LPP: variants seen among roughly 807,000 people sequenced by gnomAD.
LPP encodes lipoma-preferred partner.
In LPP, 38 loss-of-function variants were observed where a neutral mutation model predicts 60.4. That is an observed-to-expected ratio of 0.63 (90% CI 0.49 to 0.83). LPP has a LOEUF of 0.83. LPP is among the 40% of genes least tolerant of loss of function. LPP has a pLI of 0.00. For synonymous variants in LPP, 328 were observed against 290.8 expected, an observed-to-expected ratio of 1.13 and a Z score of -1.30; for missense variants, 902 against 783.6, an observed-to-expected ratio of 1.15 and a Z score of -1.80.
In LPP at chr3:188,157,864, G is replaced by A. The variant is rs1286505230; in HGVS notation, c.-190+3612G>A. Among the ~76,000 whole-genome samples the A allele has an allele frequency of 3.3e-5, 5 of 152,144 alleles. No individual in the cohort carries two copies. In the East Asian group the frequency reaches 9.6e-4, roughly 29 times the overall value. ...TTGTCCAGGTGGAAGAAGGACAGGT[G>A]AGAGAAGGACCTATTAGCAAGATAG... On this transcript the variant is annotated intron_variant, in intron 1 of 11. Coordinates refer to ENST00000617246, the MANE Select transcript of LPP (RefSeq NM_001375462.1).
intron 9 of LPP, among the ~76,000 whole-genome samples, chr3:188,851,453 A>G (rs1044699142): frequency 2.0e-5 from 3 of 152,228 alleles, no homozygotes; most frequent in Admixed American, 2.0e-4. Flanking sequence ...AGAGCTTGCA[A>G]AATTTGAAAC....
intron 3 of LPP, among the ~76,000 whole-genome samples, chr3:188,369,316 A>T (rs1021519551): frequency 6.6e-6 from 1 of 151,520 alleles, no homozygotes; most frequent in South Asian, 2.1e-4. Flanking sequence ...TAAATTCTCC[A>T]TTAAGAAGAT....
intron 7 of LPP, among the ~76,000 whole-genome samples, chr3:188,653,439 G>A (rs867707913): frequency 1.3e-5 from 2 of 152,122 alleles, no homozygotes; most frequent in South Asian, 4.2e-4. Flanking sequence ...ATTAGCCTGT[G>A]AACATAACAC....
At chr3:188,201,126 A>T (rs1190111090) in intron 1 of LPP, among the ~76,000 whole-genome samples, 1 of 152,188 alleles carries the variant, frequency 6.6e-6, no homozygotes, top group Admixed American at 6.5e-5. Context: ...CTTCACAAAC[A>T]TTTATTAAAC....
chr3:188,296,219 C>T (rs779826671), intron 2 of LPP, among the ~76,000 whole-genome samples: 19 of 152,070 alleles, frequency 1.2e-4, no homozygotes, highest in Non-Finnish European at 4.4e-5. Context: ...GAGACTTGGC[C>T]CTTGACAATT....
At chr3:188,585,106 CAAAT>C (rs1416112828) in intron 6 of LPP, among the ~76,000 whole-genome samples, 8 of 152,108 alleles carry the variant, frequency 5.3e-5, no homozygotes, top group Admixed American at 2.0e-4. Flanking sequence ...CTTAAAGGGA[CAAAT>C]AAATAAGTCA....
intron 9 of LPP, among the ~76,000 whole-genome samples, chr3:188,770,589 A>T (rs539921158): frequency 6.6e-6 from 1 of 152,208 alleles, no homozygotes; most frequent in South Asian, 2.1e-4. Context: ...AGGAGAAATA[A>T]ATGTTTGTAA....
intron 7 of LPP, among the ~76,000 whole-genome samples, chr3:188,639,760 T>G (rs1324671114): frequency 6.6e-6 from 1 of 151,986 alleles, no homozygotes; most frequent in East Asian, 1.9e-4. Context: ...AAAAAACACA[T>G]GAAAAAATGC....
At chr3:188,257,426 T>C (rs1341474527) in intron 2 of LPP, among the ~76,000 whole-genome samples, 1 of 152,114 alleles carries the variant, frequency 6.6e-6, no homozygotes, top group Non-Finnish European at 1.5e-5. Context: ...AAAGACTGAA[T>C]AGAGAAAAGA....
chr3:188,529,399 T>G (rs1821539234), intron 6 of LPP, among the ~76,000 whole-genome samples: 1 of 152,176 alleles, frequency 6.6e-6, no homozygotes, highest in Non-Finnish European at 1.5e-5. Flanking sequence ...TGATTTCTCA[T>G]TAGTCAAACA....
At chr3:188,866,119 A>G in intron 9 of LPP, 81 bp from the exon 10 acceptor site, 1 of 1,179,910 alleles carries the variant, frequency 8.5e-7, no homozygotes, top group Non-Finnish European at 1.1e-6. Flanking sequence ...ACCTGAGACA[A>G]TCTGTTTTGT....
rs1399653460 is a variant in LPP at position 188,875,066 on chromosome 3, C to T, written c.*587C>T. 1 of 220,148 alleles carries T rather than the reference C, an allele frequency of 4.5e-6. No homozygotes were observed. The highest frequency in any genetic ancestry group is 9.1e-6 in the Non-Finnish European group (1 of 110,100). The allele number at this position is 220,148 out of a possible 1,614,324, so 13.6% of individuals were successfully genotyped here. A position where few individuals can be genotyped will look rare whatever the true frequency, so the allele number is the denominator to read the frequency against. On this transcript the variant is annotated 3_prime_UTR_variant, in exon 12 of 12. Coordinates refer to ENST00000617246, the MANE Select transcript of LPP (RefSeq NM_001375462.1). Reference sequence around the variant, plus strand: ...GTAAATTACATAAGTTAGAACAAGCCCAAATTTAATTTGCAACCATCAGAA... The same window carrying T: ...GTAAATTACATAAGTTAGAACAAGCTCAAATTTAATTTGCAACCATCAGAA...
At chr3:188,871,969 C>A (rs1768220045) in intron 10 of LPP, among the ~76,000 whole-genome samples, 1 of 152,052 alleles carries the variant, frequency 6.6e-6, no homozygotes, top group Admixed American at 6.6e-5. Flanking sequence ...TTTAACAGTG[C>A]TAAAATCCTT....
intron 7 of LPP, among the ~76,000 whole-genome samples, chr3:188,620,361 G>T (rs1020777084): frequency 6.6e-6 from 1 of 151,958 alleles, no homozygotes. Context: ...AGGTAACCAT[G>T]AATTTAATAT....
At chr3:188,300,939 A>G (rs767499439) in intron 2 of LPP, among the ~76,000 whole-genome samples, 1 of 152,176 alleles carries the variant, frequency 6.6e-6, no homozygotes, top group South Asian at 2.1e-4. Flanking sequence ...AGATTTTTCT[A>G]CTATTTCAGT....
At chr3:188,811,073 CAT>C (rs1455371821) in intron 9 of LPP, among the ~76,000 whole-genome samples, 2 of 151,978 alleles carry the variant, frequency 1.3e-5, no homozygotes, top group East Asian at 3.9e-4. Context: ...GACACACACA[CAT>C]GTATGAGTTA....
chr3:188,806,796 C>CCTTA (rs1052587742), intron 9 of LPP, among the ~76,000 whole-genome samples: 1 of 151,774 alleles, frequency 6.6e-6, no homozygotes, highest in East Asian at 1.9e-4. Flanking sequence ...AGTTTCAGGA[C>CCTTA]CTTACAATTG....
intron 7 of LPP, among the ~76,000 whole-genome samples, chr3:188,670,158 C>T (rs1200543279): frequency 3.3e-5 from 5 of 152,076 alleles, no homozygotes; most frequent in South Asian, 2.1e-4. Context: ...ATGTAGCTGA[C>T]GAGTTAATGG....
At chr3:188,846,793 G>T (rs1368542895) in intron 9 of LPP, among the ~76,000 whole-genome samples, 2 of 152,052 alleles carry the variant, frequency 1.3e-5, no homozygotes, top group African/African-American at 2.4e-5. Flanking sequence ...ACTGAGCATG[G>T]GTCAGAGTTG....
Sources: allele counts gnomAD v4.1 joint callset (sites outside exome capture counted in the v4.1 genomes callset), GRCh38; gene constraint gnomAD v4.1.1; transcripts MANE v1.5; gene names NCBI Gene and HGNC (gene_info 2026-07-23, HGNC 2026-07-21).